The following NDST4 variants were observed in gnomAD, a reference collection of about 807,000 sequenced individuals.
NDST4 encodes the protein N-heparan sulfate sulfotransferase 4.
Under a neutral mutation model 100.8 loss-of-function variants are expected in NDST4, and 63 were observed. The ratio of observed to expected loss-of-function variants is 0.62; its 90% CI spans 0.51 to 0.77. NDST4 has a LOEUF of 0.77. Ranked by LOEUF, NDST4 falls within the 30% of genes least tolerant of loss-of-function variation. The pLI, the probability that NDST4 is intolerant of heterozygous loss-of-function variation, is 0.00. For missense variants in NDST4, 943 were observed against 1,018.4 expected, an observed-to-expected ratio of 0.93 and a Z score of 1.01; for synonymous variants, 377 against 361.8, an observed-to-expected ratio of 1.04 and a Z score of -0.48.
intron 1 of NDST4, among the ~76,000 whole-genome samples, chr4:115,079,147 C>T (rs1028707012): frequency 3.3e-5 from 5 of 151,822 alleles, no homozygotes; most frequent in African/African-American, 7.3e-5. Flanking sequence ...GTCATGAGAT[C>T]GATACCATCC....
At chr4:115,062,464 C>T (rs1728844978) in intron 2 of NDST4, among the ~76,000 whole-genome samples, 2 of 151,716 alleles carry the variant, frequency 1.3e-5, no homozygotes, top group Non-Finnish European at 2.9e-5. Flanking sequence ...AAAATGCCCA[C>T]AAGCGATGCA....
chr4:114,866,805 A>T (rs10004337), intron 7 of NDST4, among the ~76,000 whole-genome samples: 6,300 of 152,242 alleles, frequency 0.041, 419 homozygotes, highest in African/African-American at 0.14. Context: ...ACAAGCAGTT[A>T]TTGTGGCTTA....
At chr4:115,029,950 C>A (rs1728079562) in intron 2 of NDST4, among the ~76,000 whole-genome samples, 1 of 151,954 alleles carries the variant, frequency 6.6e-6, no homozygotes, top group Non-Finnish European at 1.5e-5. Context: ...TGTGATAAAC[C>A]AGGAATGAAA....
intron 4 of NDST4, among the ~76,000 whole-genome samples, chr4:114,953,859 A>G (rs182154490): frequency 9.7e-4 from 148 of 152,296 alleles, no homozygotes; most frequent in African/African-American, 3.5e-3. Flanking sequence ...AGATATTTCT[A>G]TTAACTACAT....
At chr4:114,988,213 A>G (rs931308341) in intron 2 of NDST4, among the ~76,000 whole-genome samples, 1 of 151,998 alleles carries the variant, frequency 6.6e-6, no homozygotes, top group Admixed American at 6.6e-5. Flanking sequence ...AAAAACAACT[A>G]TTAAGTTAAT....
At chr4:114,923,773 C>G (rs1474650702) in intron 6 of NDST4, among the ~76,000 whole-genome samples, 2 of 151,726 alleles carry the variant, frequency 1.3e-5, no homozygotes, top group African/African-American at 4.8e-5. Context: ...TCCACATAAA[C>G]AGGAGGTTGT....
intron 3 of NDST4, among the ~76,000 whole-genome samples, chr4:114,970,986 T>C (rs996230579): frequency 2.0e-5 from 3 of 152,088 alleles, no homozygotes; most frequent in Non-Finnish European, 4.4e-5. Flanking sequence ...ATAAATAATA[T>C]ATGTTTATTA....
At chr4:115,053,120 A>G (rs1045973926) in intron 2 of NDST4, among the ~76,000 whole-genome samples, 1 of 152,200 alleles carries the variant, frequency 6.6e-6, no homozygotes, top group Non-Finnish European at 1.5e-5. Flanking sequence ...TATGGGAGAC[A>G]TAATGTATTG....
chr4:115,075,973 G>A (rs1198003606), intron 2 of NDST4, 86 bp downstream of exon 2: 3 of 1,443,950 alleles, frequency 2.1e-6, no homozygotes, highest in South Asian at 2.8e-5. Context: ...AAAACTTTAG[G>A]GATTAATAAT....
At chr4:114,872,426 A>G (rs1453726376) in intron 6 of NDST4, among the ~76,000 whole-genome samples, 1 of 152,058 alleles carries the variant, frequency 6.6e-6, no homozygotes, top group Non-Finnish European at 1.5e-5. Context: ...TACGCTGACC[A>G]ATCTGATAGA....
intron 3 of NDST4, 134 bp downstream of exon 3, chr4:114,977,053 T>C (rs1726651081): frequency 3.2e-6 from 2 of 620,504 alleles, no homozygotes; most frequent in Admixed American, 2.7e-5. Context: ...TGATTTTGGA[T>C]TTGGCTACTC....
chr4:114,866,993 A>G (rs1578352806), intron 7 of NDST4, among the ~76,000 whole-genome samples: 1 of 152,280 alleles, frequency 6.6e-6, no homozygotes, highest in Middle Eastern at 3.4e-3. Context: ...TTGTAAAACC[A>G]CCATCTTGTG....
At chr4:114,831,383 C>T (rs1311813714) in intron 12 of NDST4, among the ~76,000 whole-genome samples, 2 of 152,184 alleles carry the variant, frequency 1.3e-5, no homozygotes, top group Non-Finnish European at 2.9e-5. Context: ...TGCTCTTTGC[C>T]TGTCACAATC....
At chr4:115,000,853 G>A (rs189212528) in intron 2 of NDST4, among the ~76,000 whole-genome samples, 156 of 152,174 alleles carry the variant, frequency 1.0e-3, no homozygotes, top group African/African-American at 3.1e-3. Context: ...TTACAGTACT[G>A]GAGGCTGAGA....
chr4:114,957,872 T>C (rs1332904324), intron 4 of NDST4, among the ~76,000 whole-genome samples: 3 of 152,148 alleles, frequency 2.0e-5, no homozygotes, highest in Admixed American at 6.5e-5. Flanking sequence ...ATGTCTCACA[T>C]CCAGATCATA....
intron 6 of NDST4, among the ~76,000 whole-genome samples, chr4:114,929,628 T>G (rs1725470997): frequency 6.6e-6 from 1 of 152,182 alleles, no homozygotes; most frequent in Non-Finnish European, 1.5e-5. Flanking sequence ...TGCCTAAAAT[T>G]GAAATAAATG....
chr4:115,060,830 A>G (rs1728803955), intron 2 of NDST4, among the ~76,000 whole-genome samples: 2 of 152,048 alleles, frequency 1.3e-5, no homozygotes, highest in Admixed American at 1.3e-4. Flanking sequence ...AATTATTAAA[A>G]TAATTGTTTA....
chr4:114,937,387 G>A lies in NDST4; in HGVS notation c.1338C>T (p.Thr446=). The A allele has an allele frequency of 6.2e-7, 1 of 1,614,074 alleles. No homozygotes were observed. The highest frequency in any genetic ancestry group is 8.5e-7 in the Non-Finnish European group (1 of 1,179,992). The part of the protein sequence containing the change: ...AWKKVWGIQV[T]STEEYPHLKP... ...TCAGATGTGGATATTCTTCAGTGCTGGTGACTTGAATACCCCAGACCTTCT... is the reference window on the plus strand; with the variant it reads ...TCAGATGTGGATATTCTTCAGTGCTAGTGACTTGAATACCCCAGACCTTCT... The change falls in exon 5 of 14, where the codon ACC becomes ACT. Residue 446 remains threonine, a synonymous_variant. Coordinates refer to ENST00000264363, the MANE Select transcript of NDST4 (RefSeq NM_022569.3).
chr4:114,907,528 G>GT (rs1724977971), intron 6 of NDST4, among the ~76,000 whole-genome samples: 1 of 152,256 alleles, frequency 6.6e-6, no homozygotes, highest in East Asian at 1.9e-4. Flanking sequence ...TTTAACAAAT[G>GT]TATTTATAAG....
Sources: gnomAD v4.1 joint callset for allele counts (sites outside exome capture counted in the v4.1 genomes callset) on GRCh38, gnomAD v4.1.1 for gene constraint, MANE v1.5 for transcripts, NCBI Gene and HGNC (gene_info 2026-07-23, HGNC 2026-07-21) for gene names.